Variants in RNF130 observed in about 807,000 individuals in gnomAD.
RNF130 encodes E3 ubiquitin-protein ligase RNF130.
A neutral mutation model predicts 44.6 loss-of-function variants in RNF130; 21 were observed. That is an observed-to-expected ratio of 0.47 (90% CI 0.33 to 0.68). The LOEUF is 0.68. RNF130 is among the 30% of genes least tolerant of loss of function. The pLI is 0.02. For missense variants in RNF130, 479 were observed against 560.6 expected (o/e 0.85, Z 1.47); for synonymous variants, 214 against 210.4 (o/e 1.02, Z -0.15).
chr5:179,955,754 G>A (rs1199026197), intron 8 of RNF130, 85 bp from the exon 9 acceptor site: 30 of 1,153,588 alleles, frequency 2.6e-5, no homozygotes, highest in Non-Finnish European at 3.5e-5. Flanking sequence ...TAACTGAAGG[G>A]TGGCCTGGCT....
chr5:180,006,319 A>G (rs1048894131), intron 3 of RNF130, among the ~76,000 whole-genome samples: 1 of 152,058 alleles, frequency 6.6e-6, no homozygotes, highest in Non-Finnish European at 1.5e-5. Flanking sequence ...TTTTGAACCC[A>G]CCAGTTTTCA....
At chr5:179,997,747 A>T (rs1763238166) in intron 3 of RNF130, among the ~76,000 whole-genome samples, 1 of 150,974 alleles carries the variant, frequency 6.6e-6, no homozygotes, top group Non-Finnish European at 1.5e-5. Flanking sequence ...GATTATAAGC[A>T]TGAGCCACCA....
intron 7 of RNF130, chr5:179,939,674 C>A: frequency 2.2e-6 from 1 of 448,136 alleles, no homozygotes; most frequent in Non-Finnish European, 4.4e-6. Context: ...CCTAGTGATC[C>A]AAATGAAGAA....
intron 7 of RNF130, among the ~76,000 whole-genome samples, chr5:179,929,227 C>T (rs1761771168): frequency 6.6e-6 from 1 of 152,066 alleles, no homozygotes; most frequent in Non-Finnish European, 1.5e-5. Flanking sequence ...CCATTCTTAC[C>T]CCACGGCTTG....
At chr5:180,031,691 T>A (rs1764133930) in intron 2 of RNF130, among the ~76,000 whole-genome samples, 1 of 152,240 alleles carries the variant, frequency 6.6e-6, no homozygotes, top group Non-Finnish European at 1.5e-5. Context: ...CTGGCCATAA[T>A]AAACAATGCT....
At chr5:179,914,013 A>C (rs1279341822) in exon 8 of RNF130, 1 of 152,264 alleles carries the variant, frequency 6.6e-6, no homozygotes, top group African/African-American at 2.4e-5. Context: ...TGATGCTACA[A>C]TACTTCAAAC....
chr5:180,009,582 C>T (rs1450616517), intron 3 of RNF130, among the ~76,000 whole-genome samples: 1 of 152,156 alleles, frequency 6.6e-6, no homozygotes, highest in Admixed American at 6.5e-5. Flanking sequence ...CAAGTGCTGT[C>T]GAGAGTGTGG....
At chr5:180,009,867 G>C (rs935269461) in intron 3 of RNF130, among the ~76,000 whole-genome samples, 1 of 152,092 alleles carries the variant, frequency 6.6e-6, no homozygotes, top group African/African-American at 2.4e-5. Context: ...TTCAATGAGC[G>C]AGCAATTAAA....
chr5:179,963,409 T>C, intron 8 of RNF130, 62 bp downstream of exon 8: 2 of 1,306,050 alleles, frequency 1.5e-6, no homozygotes, highest in Non-Finnish European at 2.2e-6. Flanking sequence ...TCATGAAAAC[T>C]GCTCCATGTG....
intron 4 of RNF130, among the ~76,000 whole-genome samples, chr5:179,979,871 T>C (rs575899674): frequency 3.2e-4 from 48 of 152,078 alleles, no homozygotes; most frequent in African/African-American, 1.1e-3. Context: ...AGAAAACACA[T>C]CTCCTGGCTT....
At chr5:180,026,112 C>T (rs1763978565) in intron 2 of RNF130, among the ~76,000 whole-genome samples, 1 of 146,376 alleles carries the variant, frequency 6.8e-6, no homozygotes, top group African/African-American at 2.7e-5. Flanking sequence ...TTTTGTTCAA[C>T]CATCCAAAAA....
In RNF130 at chr5:179,980,152, T is replaced by C; in HGVS notation, c.742A>G (p.Arg248Gly). Residue 248 changes from arginine (R) to glycine (G), a missense_variant, in exon 4 of 9, where the codon AGG becomes GGG. Coordinates refer to ENST00000521389, the MANE Select transcript of RNF130 (RefSeq NM_018434.6). ...AKKAISKLTT[R>G]TVKKGDKETD... ...ACCTTGTCACCCTTCTTTACTGTCC[T>C]GGTTGTCAATTTACTGATGGCTTTC... 6.2e-7 allele frequency: 1 copy of C among 1,614,192 alleles called. No homozygotes were observed. The highest frequency in any genetic ancestry group is 8.5e-7 in the Non-Finnish European group (1 of 1,180,020).
intron 7 of RNF130, among the ~76,000 whole-genome samples, chr5:179,946,516 G>C (rs2113686019): frequency 6.6e-6 from 1 of 151,874 alleles, no homozygotes; most frequent in South Asian, 2.1e-4. Flanking sequence ...GTTCTTCTTA[G>C]TCTTAACAGA....
intron 7 of RNF130, among the ~76,000 whole-genome samples, chr5:179,929,645 G>A (rs1406167420): frequency 2.0e-5 from 3 of 152,150 alleles, no homozygotes; most frequent in Non-Finnish European, 4.4e-5. Context: ...CTATTCAGGA[G>A]GCTGAGGTGG....
chr5:180,022,006 G>A (rs532758730), intron 2 of RNF130, among the ~76,000 whole-genome samples: 1 of 152,226 alleles, frequency 6.6e-6, no homozygotes, highest in South Asian at 2.1e-4. Context: ...GACTACATTC[G>A]GCCCAGTTGA....
chr5:179,973,299 T>A (rs1762628353), intron 5 of RNF130, among the ~76,000 whole-genome samples: 1 of 152,158 alleles, frequency 6.6e-6, no homozygotes, highest in Non-Finnish European at 1.5e-5. Flanking sequence ...TTCTGTGATC[T>A]CCACAGGCAG....
intron 8 of RNF130, chr5:179,956,568 T>C (rs1762216038): frequency 6.5e-6 from 1 of 152,856 alleles, no homozygotes; most frequent in Non-Finnish European, 1.5e-5. Context: ...ATCTGTCTCC[T>C]GCCTACCGTC....
rs765766630 is a variant in RNF130, at chr5:179,980,191, C to T, written c.703G>A (p.Gly235Arg). ...CTGATGGCTTTCTTGGCTGCATCTC[C>T]GAGACGACGCTATGAAAATTGCAAA... The part of the protein sequence containing the change: ...NARDRNQRRL[G>R]DAAKKAISKL... Residue 235 changes from glycine to arginine, a missense_variant, in exon 4 of 9, where the codon GGA (glycine) becomes AGA (arginine). Physicochemically the swap from Gly to Arg is moderately radical, Grantham distance 125. This residue lies in a region of RNF130 where 180 missense variants were observed against 275.1 expected (regional missense o/e 0.65). Transcript: ENST00000521389. 22 of 1,613,834 alleles carry T rather than the reference C, an allele frequency of 1.4e-5. No homozygotes were observed. The highest frequency in any genetic ancestry group is 5.3e-5 in the African/African-American group (4 of 74,890).
chr5:180,052,102 C>T (rs893566324), intron 1 of RNF130, among the ~76,000 whole-genome samples: 1 of 152,196 alleles, frequency 6.6e-6, no homozygotes, highest in Non-Finnish European at 1.5e-5. Context: ...TATTCTTTCT[C>T]ACTTTCCACT....
Sources: gnomAD v4.1 joint callset for allele counts (sites outside exome capture counted in the v4.1 genomes callset) on GRCh38, gnomAD v4.1.1 for gene constraint, gnomAD v4.1.1 regional missense constraint, MANE v1.5 for transcripts, NCBI Gene and HGNC (gene_info 2026-07-23, HGNC 2026-07-21) for gene names.